LUC7L2: variants seen among roughly 807,000 people sequenced by gnomAD.
LUC7L2 encodes LUC7 like 2, pre-mRNA splicing factor.
LUC7L2 carries 25 observed loss-of-function variants against 52.8 expected under a neutral mutation model. The ratio of observed to expected loss-of-function variants is 0.47; its 90% confidence interval spans 0.34 to 0.66. The LOEUF (loss-of-function observed/expected upper bound fraction) is 0.66, where lower values mean the gene tolerates loss of function less well. Ranked by LOEUF, LUC7L2 falls within the 30% of genes least tolerant of loss-of-function variation. LUC7L2 has a pLI of 0.01. For missense variants in LUC7L2, 328 were observed against 497.8 expected (o/e 0.66, Z 3.25); for synonymous variants, 144 against 160.9 (o/e 0.89, Z 0.80).
intron 8 of LUC7L2, among the ~76,000 whole-genome samples, chr7:139,414,145 C>T (rs1177942174): frequency 6.6e-6 from 1 of 152,178 alleles, no homozygotes; most frequent in Non-Finnish European, 1.5e-5. Flanking sequence ...CCCCCTTCTT[C>T]ACCTCATTCT....
At chr7:139,396,332 G>A (rs996887851) in intron 2 of LUC7L2, among the ~76,000 whole-genome samples, 1 of 151,850 alleles carries the variant, frequency 6.6e-6, no homozygotes, top group African/African-American at 2.4e-5. Context: ...GCTACTTGTC[G>A]GGGAGGGGTG....
At chr7:139,395,006 A>G (rs1037278888) in intron 2 of LUC7L2, among the ~76,000 whole-genome samples, 7 of 152,194 alleles carry the variant, frequency 4.6e-5, no homozygotes, top group African/African-American at 1.4e-4. Flanking sequence ...GCTTCCATCA[A>G]TATTATGTAA....
At chr7:139,344,490 T>A (rs1245679936) in intron 1 of LUC7L2, among the ~76,000 whole-genome samples, 1 of 152,206 alleles carries the variant, frequency 6.6e-6, no homozygotes, top group Non-Finnish European at 1.5e-5. Flanking sequence ...ATATGTTTGG[T>A]AAGACATGAT....
At chr7:139,407,950 G>T (rs1384405120) in intron 6 of LUC7L2, among the ~76,000 whole-genome samples, 6 of 152,138 alleles carry the variant, frequency 3.9e-5, no homozygotes, top group African/African-American at 1.4e-4. Context: ...TTTCTGAAGT[G>T]GTAAAGATGA....
chr7:139,411,574 C>A (rs1795361065), intron 7 of LUC7L2, among the ~76,000 whole-genome samples: 1 of 152,032 alleles, frequency 6.6e-6, no homozygotes, highest in African/African-American at 2.4e-5. Context: ...AAATAAAACT[C>A]AAATCTGGCT....
intron 8 of LUC7L2, among the ~76,000 whole-genome samples, chr7:139,415,085 TA>T (rs1795535688): frequency 1.2e-4 from 16 of 137,092 alleles, no homozygotes; most frequent in South Asian, 9.7e-4. Flanking sequence ...TTTTTTTTTG[TA>T]TTTTTAGTAG....
chr7:139,415,501 T>C (rs1795551725), intron 8 of LUC7L2, among the ~76,000 whole-genome samples: 1 of 151,866 alleles, frequency 6.6e-6, no homozygotes, highest in South Asian at 2.1e-4. Context: ...TTGATAAAAC[T>C]TACACTGAGA....
At chr7:139,415,467 A>G (rs1018857913) in intron 8 of LUC7L2, among the ~76,000 whole-genome samples, 2 of 151,982 alleles carry the variant, frequency 1.3e-5, no homozygotes, top group African/African-American at 4.8e-5. Flanking sequence ...ATAACTCAAA[A>G]TGAGTGGTTA....
rs181347332 is a variant in LUC7L2, at chr7:139,412,690, C to T, written c.809+110C>T. 173 of 1,280,024 alleles carry T rather than the reference C, an allele frequency of 1.4e-4. 1 individual carries two copies. The East Asian group carries it at 2.3e-3, about 17-fold the overall frequency. The allele number at this position is 1,280,024 out of a possible 1,614,324, so 79.3% of individuals were successfully genotyped here. A position where few individuals can be genotyped will look rare whatever the true frequency, so the allele number is the denominator to read the frequency against. On this transcript the variant is annotated intron_variant, in intron 8 of 9. Coordinates refer to ENST00000354926, the MANE Select transcript of LUC7L2 (RefSeq NM_016019.5). ...AAAAATTTTCTTTTTTGGCTGGGCA[C>T]GGTGATGCATGCTTGTAATCCCAGC...
upstream of LUC7L2, chr7:139,359,725 G>A: frequency 2.5e-6 from 1 of 399,446 alleles, no homozygotes; most frequent in Non-Finnish European, 4.4e-6. Flanking sequence ...AGTCAGTTAA[G>A]GAACCAGAGT....
intron 3 of LUC7L2, 146 bp from the exon 4 acceptor site, chr7:139,401,991 A>G (rs1255376325): frequency 2.7e-6 from 2 of 732,326 alleles, no homozygotes; most frequent in Non-Finnish European, 4.0e-6. Flanking sequence ...TGTCTGCCTT[A>G]GCCTCCTAAA....
intron 3 of LUC7L2, 55 bp from the exon 4 acceptor site, chr7:139,402,082 A>G: frequency 6.6e-7 from 1 of 1,506,354 alleles, no homozygotes; most frequent in Non-Finnish European, 8.8e-7. Flanking sequence ...GTATGAAGAT[A>G]TTTCTGAATA....
At chr7:139,344,703 T>C (rs1018247029) in intron 1 of LUC7L2, among the ~76,000 whole-genome samples, 23 of 144,068 alleles carry the variant, frequency 1.6e-4, no homozygotes, top group South Asian at 6.9e-4. Context: ...TTCTTTTTTT[T>C]TTTTTTTTTT....
chr7:139,367,247 C>G (rs751705178), intron 1 of LUC7L2, among the ~76,000 whole-genome samples: 1 of 152,190 alleles, frequency 6.6e-6, no homozygotes, highest in Non-Finnish European at 1.5e-5. Context: ...GCTGGTATTA[C>G]AGGCGTGAAC....
chr7:139,422,447 C>T lies in LUC7L2; in HGVS notation c.*107C>T, dbSNP rs6951868. ...AGTGAGCAGATCCAGACACCAGATC[C>T]AGCTAGGCTAGATGTACAGTATCTA... On this transcript the variant is annotated 3_prime_UTR_variant, in exon 10 of 10. Transcript: ENST00000354926. 0.031 allele frequency: 46,565 copies of T among 1,480,644 alleles called. 4,795 individuals are homozygous for T. The African/African-American group carries it at 0.35, about 11-fold the overall frequency. The allele number at this position is 1,480,644 out of a possible 1,614,324, so 91.7% of individuals were successfully genotyped here.
At chr7:139,368,342 A>C (rs945648650) in intron 1 of LUC7L2, among the ~76,000 whole-genome samples, 5 of 152,268 alleles carry the variant, frequency 3.3e-5, no homozygotes, top group Admixed American at 3.3e-4. Flanking sequence ...TAGTGATTAT[A>C]GGTGTCTGCA....
intron 9 of LUC7L2, among the ~76,000 whole-genome samples, chr7:139,421,091 G>A (rs1054738259): frequency 5.9e-5 from 9 of 152,266 alleles, no homozygotes; most frequent in Non-Finnish European, 8.8e-5. Context: ...GTGAGTCACC[G>A]TGCCCAGTCT....
Position 139,360,143 on chromosome 7 carries a change from A to AGTC in LUC7L2, c.-118_-117insTCG, listed in dbSNP as rs1799787047. ...TCCGGCTCCCTTTCCGCACGCCTCG[A>AGTC]GGCGGCGGCGGCCACCGAGACAGCA... On this transcript the variant is annotated 5_prime_UTR_variant, in exon 1 of 10. Coordinates refer to ENST00000354926, the MANE Select transcript of LUC7L2 (RefSeq NM_016019.5). The AGTC allele has an allele frequency of 1.5e-6, 1 of 668,740 alleles. No homozygotes were observed. Among genetic ancestry groups the AGTC allele is most frequent in the African/African-American group, 1.9e-5 (1 of 52,050 alleles). 41.4% of individuals were successfully genotyped at this position (668,740 alleles called of 1,614,324 possible).
At chr7:139,364,467 C>G (rs1800044332) in intron 1 of LUC7L2, among the ~76,000 whole-genome samples, 1 of 152,102 alleles carries the variant, frequency 6.6e-6, no homozygotes, top group South Asian at 2.1e-4. Flanking sequence ...CTGTTTCGGG[C>G]AAGTTAAAAC....
Sources: allele counts gnomAD v4.1 joint callset (sites outside exome capture counted in the v4.1 genomes callset), GRCh38; gene constraint gnomAD v4.1.1; transcripts MANE v1.5; gene names NCBI Gene and HGNC (gene_info 2026-07-23, HGNC 2026-07-21).